The following GABRG3 variants were observed in gnomAD, a reference collection of about 807,000 sequenced individuals.
GABRG3 encodes gamma-aminobutyric acid receptor subunit gamma-3.
Under a neutral mutation model 48.8 loss-of-function variants are expected in GABRG3, and 25 were observed. That is an observed-to-expected ratio of 0.51 (90% CI 0.37 to 0.72). GABRG3 has a LOEUF of 0.72. Ranked by LOEUF, GABRG3 falls within the 30% of genes least tolerant of loss-of-function variation. GABRG3 has a pLI of 0.00. For missense variants in GABRG3, 394 were observed against 577.9 expected, an observed-to-expected ratio of 0.68 and a Z score of 3.26; for synonymous variants, 227 against 217.6, an observed-to-expected ratio of 1.04 and a Z score of -0.38.
chr15:27,149,026 A>G (rs1463790229), intron 3 of GABRG3, among the ~76,000 whole-genome samples: 1 of 152,110 alleles, frequency 6.6e-6, no homozygotes, highest in Admixed American at 6.5e-5. Context: ...TTAAAATGAT[A>G]AAAGTCGTAT....
intron 3 of GABRG3, among the ~76,000 whole-genome samples, chr15:27,168,925 C>G (rs1349917): frequency 0.14 from 20,861 of 152,240 alleles, 1,646 homozygotes; most frequent in Admixed American, 0.22. Context: ...TAAGCCCAGG[C>G]CTGAGGAGAG....
intron 5 of GABRG3, among the ~76,000 whole-genome samples, chr15:27,396,364 C>T (rs888465288): frequency 3.3e-5 from 5 of 151,956 alleles, no homozygotes; most frequent in African/African-American, 9.7e-5. Flanking sequence ...GATACTTTCC[C>T]AAAAAAGGTA....
intron 6 of GABRG3, among the ~76,000 whole-genome samples, chr15:27,515,087 T>C (rs1346621052): frequency 6.8e-6 from 1 of 147,464 alleles, no homozygotes; most frequent in African/African-American, 2.7e-5. Flanking sequence ...TTTCTTAATT[T>C]TTTTGTTTTT....
chr15:27,399,075 C>T (rs1168794293), intron 5 of GABRG3, among the ~76,000 whole-genome samples: 1 of 152,106 alleles, frequency 6.6e-6, no homozygotes, highest in Non-Finnish European at 1.5e-5. Flanking sequence ...TTCCTCTCAT[C>T]CACAAATCTA....
At chr15:27,400,903 A>T (rs1887456845) in intron 5 of GABRG3, among the ~76,000 whole-genome samples, 1 of 152,194 alleles carries the variant, frequency 6.6e-6, no homozygotes. Context: ...TACAGAATCC[A>T]CGACGGGAGA....
At chr15:27,117,905 A>G (rs1897669812) in intron 3 of GABRG3, among the ~76,000 whole-genome samples, 1 of 152,144 alleles carries the variant, frequency 6.6e-6, no homozygotes, top group African/African-American at 2.4e-5. Flanking sequence ...TTTTACAAAT[A>G]AGGAAACTTA....
intron 3 of GABRG3, among the ~76,000 whole-genome samples, chr15:27,243,230 T>C (rs541247196): frequency 5.0e-4 from 76 of 152,208 alleles, no homozygotes; most frequent in African/African-American, 1.8e-3. Flanking sequence ...GTGTTTTCCA[T>C]GTAGATGCAA....
At chr15:27,133,254 C>T (rs1365436800) in intron 3 of GABRG3, among the ~76,000 whole-genome samples, 2 of 151,942 alleles carry the variant, frequency 1.3e-5, no homozygotes, top group South Asian at 2.1e-4. Context: ...TTTTTTCTAC[C>T]AGCCTATTGA....
chr15:27,523,192 G>A (rs1211504740), intron 7 of GABRG3, among the ~76,000 whole-genome samples: 1 of 151,792 alleles, frequency 6.6e-6, no homozygotes, highest in Non-Finnish European at 1.5e-5. Context: ...TGAATCTTAG[G>A]TGAGGAAAAC....
intron 5 of GABRG3, chr15:27,364,299 T>C (rs1275052958): frequency 1.3e-5 from 2 of 152,464 alleles, no homozygotes; most frequent in Non-Finnish European, 1.5e-5. Flanking sequence ...GGCCACATTA[T>C]GCTTACACAC....
At chr15:27,375,628 A>C (rs919921408) in intron 5 of GABRG3, among the ~76,000 whole-genome samples, 2 of 152,212 alleles carry the variant, frequency 1.3e-5, no homozygotes, top group South Asian at 4.1e-4. Context: ...CACATCTTGC[A>C]TAGGAGCAGA....
intron 3 of GABRG3, chr15:27,271,500 G>A (rs1891086907): frequency 1.3e-5 from 6 of 453,998 alleles, no homozygotes; most frequent in Non-Finnish European, 2.2e-5. Context: ...AACAGGCCAC[G>A]CCCCGGAGCC....
intron 3 of GABRG3, among the ~76,000 whole-genome samples, chr15:27,189,089 C>T (rs936721835): frequency 1.3e-5 from 2 of 152,064 alleles, no homozygotes; most frequent in African/African-American, 4.8e-5. Flanking sequence ...TGATCTATAT[C>T]TCTGTTTTGG....
At chr15:27,402,875 C>T (rs1887515030) in intron 5 of GABRG3, among the ~76,000 whole-genome samples, 1 of 152,056 alleles carries the variant, frequency 6.6e-6, no homozygotes, top group Non-Finnish European at 1.5e-5. Flanking sequence ...CACATCTGGC[C>T]ACTTGCTCTT....
chr15:26,981,897 C>T (rs778616728), intron 2 of GABRG3, among the ~76,000 whole-genome samples: 2 of 152,124 alleles, frequency 1.3e-5, no homozygotes, highest in Non-Finnish European at 2.9e-5. Flanking sequence ...CAGTAGCCAT[C>T]GAATTTCAAA....
intron 5 of GABRG3, among the ~76,000 whole-genome samples, chr15:27,470,666 A>G (rs1889760406): frequency 6.6e-6 from 1 of 151,824 alleles, no homozygotes; most frequent in Non-Finnish European, 1.5e-5. Flanking sequence ...TATTAGCATA[A>G]TTAGTCCTTT....
chr15:27,501,821 G>A (rs886131253), intron 6 of GABRG3, among the ~76,000 whole-genome samples: 2 of 152,066 alleles, frequency 1.3e-5, no homozygotes, highest in African/African-American at 4.8e-5. Context: ...TTCATTTCAG[G>A]TACACCTCTG....
rs751576878 is a variant in GABRG3 at position 26,976,873 on chromosome 15, C to T, written c.54-129C>T. ...TTTAGAAAATATTTTCGGGTTTTCACGTGTGTGGTTGGGCTGTGGGTACTG... is the reference window on the plus strand; with the variant it reads ...TTTAGAAAATATTTTCGGGTTTTCATGTGTGTGGTTGGGCTGTGGGTACTG... On this transcript the variant is annotated intron_variant, in intron 1 of 9. Transcript: ENST00000615808. This position sits in a 1 kb window ranked among gnomAD's most constrained non-coding sequence, Gnocchi z 7.8. 11 of 811,844 alleles carry T rather than the reference C, an allele frequency of 1.4e-5. No homozygotes were observed. The highest frequency in any genetic ancestry group is 2.8e-5 in the Admixed American group (1 of 35,508). 50.3% of individuals were successfully genotyped at this position (811,844 alleles called of 1,614,324 possible).
intron 6 of GABRG3, among the ~76,000 whole-genome samples, chr15:27,495,389 ATTCCACCTC>A (rs1056393296): frequency 6.6e-6 from 1 of 152,200 alleles, no homozygotes; most frequent in African/African-American, 2.4e-5. Context: ...ATTTGAGATG[ATTCCACCTC>A]TTGGCTATTG....
Sources: gnomAD v4.1 joint callset for allele counts (sites outside exome capture counted in the v4.1 genomes callset) on GRCh38, gnomAD v4.1.1 for gene constraint, Gnocchi (gnomAD v3.1) non-coding constraint, MANE v1.5 for transcripts, NCBI Gene and HGNC (gene_info 2026-07-23, HGNC 2026-07-21) for gene names.